GABRA3: variants seen among roughly 807,000 people sequenced by gnomAD.
The protein encoded by GABRA3 is gamma-aminobutyric acid receptor subunit alpha-3.
In GABRA3, 10 loss-of-function variants were observed where a neutral mutation model predicts 30.1. The observed-to-expected ratio is 0.33, with a 90% CI of 0.20 to 0.56. The LOEUF (loss-of-function observed/expected upper bound fraction) is 0.56, where lower values mean the gene tolerates loss of function less well. GABRA3 is among the 20% of genes least tolerant of loss of function. The pLI, the probability that GABRA3 is intolerant of heterozygous loss-of-function variation, is 0.89. For missense variants in GABRA3, 233 were observed against 392.0 expected, an observed-to-expected ratio of 0.59 and a Z score of 3.42; for synonymous variants, 151 against 146.8, an observed-to-expected ratio of 1.03 and a Z score of -0.21.
chrX:152,248,353 G>T (rs1938494320), intron 5 of GABRA3, among the ~76,000 whole-genome samples: 1 of 111,404 alleles, frequency 9.0e-6, no homozygotes, highest in African/African-American at 3.3e-5. Flanking sequence ...TGCCACTCAA[G>T]GCCTGGTCTA....
chrX:152,213,389 T>G (rs1254567850), intron 6 of GABRA3, among the ~76,000 whole-genome samples: 1 of 110,622 alleles, frequency 9.0e-6, no homozygotes, highest in Non-Finnish European at 1.9e-5. Context: ...AGTAAATAAA[T>G]AATATAGTAA....
chrX:152,198,599 C>A (rs764959894), intron 7 of GABRA3, among the ~76,000 whole-genome samples: 6 of 111,949 alleles, frequency 5.4e-5, no homozygotes, highest in African/African-American at 1.6e-4. Context: ...CTCTTGTAAT[C>A]ACTCTCTTCA....
intron 5 of GABRA3, among the ~76,000 whole-genome samples, chrX:152,239,841 A>G (rs5970238): frequency 0.029 from 2,734 of 95,181 alleles, 153 homozygotes; most frequent in East Asian, 0.11. Flanking sequence ...GTTTTCCATT[A>G]GCTTGGTAGA....
intron 2 of GABRA3, 83 bp downstream of exon 2, chrX:152,364,348 T>A: frequency 1.0e-6 from 1 of 983,541 alleles, no homozygotes; most frequent in Non-Finnish European, 1.4e-6. Context: ...CTTGGGTTCA[T>A]CTGGGGGAAA....
chrX:152,345,723 GA>G lies in GABRA3; in HGVS notation c.141-22del, dbSNP rs3830670. ...ACAGCCTGAGGCAATGCAAGGAAAA[GA>G]AAAAAAATAATAGTTCTTAATAGGA... On this transcript the variant is annotated intron_variant, in intron 2 of 9. Coordinates refer to ENST00000370314, the MANE Select transcript of GABRA3 (RefSeq NM_000808.4). 9.6e-6 allele frequency: 11 copies of G among 1,146,545 alleles called. No individual in the cohort carries two copies. The Admixed American group carries it at 1.5e-4, about 15-fold the overall frequency. The allele number at this position is 1,146,545 out of a possible 1,213,427, so 94.5% of individuals were successfully genotyped here. A position where few individuals can be genotyped will look rare whatever the true frequency, so the allele number is the denominator to read the frequency against.
chrX:152,313,850 T>C (rs954044033), intron 3 of GABRA3, among the ~76,000 whole-genome samples: 2 of 111,412 alleles, frequency 1.8e-5, no homozygotes, highest in African/African-American at 6.5e-5. Context: ...AGAGGTGTCT[T>C]TCCTTTCGAT....
intron 2 of GABRA3, among the ~76,000 whole-genome samples, chrX:152,348,062 G>C (rs1940417846): frequency 8.9e-6 from 1 of 111,744 alleles, no homozygotes; most frequent in South Asian, 3.7e-4. Flanking sequence ...TCAATATATT[G>C]TTCTATGGTT....
intron 1 of GABRA3, among the ~76,000 whole-genome samples, chrX:152,434,266 C>T (rs1460320455): frequency 7.2e-5 from 8 of 110,898 alleles, no homozygotes; most frequent in Admixed American, 5.8e-4. Flanking sequence ...CATTAAGAAG[C>T]GAGACTAGCC....
intron 8 of GABRA3, among the ~76,000 whole-genome samples, chrX:152,191,861 T>G (rs1310512931): frequency 9.0e-6 from 1 of 111,645 alleles, no homozygotes. Flanking sequence ...TTACGCCATG[T>G]GAGGAATCTG....
At chrX:152,222,498 A>G (rs1009537681) in intron 6 of GABRA3, among the ~76,000 whole-genome samples, 2 of 108,629 alleles carry the variant, frequency 1.8e-5, no homozygotes, top group African/African-American at 6.7e-5. Context: ...AGCATTCTAA[A>G]GTCCTTGTCT....
chrX:152,238,824 G>C (rs1379232314), intron 5 of GABRA3, among the ~76,000 whole-genome samples: 12 of 108,814 alleles, frequency 1.1e-4, no homozygotes. Flanking sequence ...GTATTTCTGT[G>C]GGATCAGTGG....
chrX:152,307,248 A>G (rs927822550), intron 3 of GABRA3, among the ~76,000 whole-genome samples: 1 of 112,111 alleles, frequency 8.9e-6, no homozygotes, highest in African/African-American at 3.2e-5. Flanking sequence ...AAGTAAATTA[A>G]ATAAGGGATG....
intron 1 of GABRA3, among the ~76,000 whole-genome samples, chrX:152,370,945 A>C (rs1367079055): frequency 9.1e-6 from 1 of 110,197 alleles, no homozygotes; most frequent in East Asian, 2.9e-4. Flanking sequence ...TTCCTTTCTT[A>C]CCCTGCTTGG....
chrX:152,311,760 G>A (rs5970268), intron 3 of GABRA3, among the ~76,000 whole-genome samples: 23,351 of 109,685 alleles, frequency 0.21, 2,266 homozygotes, highest in African/African-American at 0.39. Context: ...GAGAAAGTCA[G>A]ACTATCTCTC....
intron 9 of GABRA3, among the ~76,000 whole-genome samples, chrX:152,175,944 G>A (rs1397397489): frequency 9.1e-6 from 1 of 109,670 alleles, no homozygotes; most frequent in Non-Finnish European, 1.9e-5. Context: ...CACGCCTGTA[G>A]TCCCAGCTGC....
At chrX:152,182,693 G>A (rs1291218655) in intron 9 of GABRA3, among the ~76,000 whole-genome samples, 11 of 37,547 alleles carry the variant, frequency 2.9e-4, no homozygotes, top group Non-Finnish European at 4.4e-4. Flanking sequence ...CACTATATAT[G>A]TATATATAGT....
intron 1 of GABRA3, among the ~76,000 whole-genome samples, chrX:152,404,732 T>TTTATTA (rs201230420): frequency 1.5e-5 from 1 of 65,902 alleles, no homozygotes; most frequent in African/African-American, 4.2e-5. Flanking sequence ...CAGGAAGTCA[T>TTTATTA]TTATTATTAT....
intron 4 of GABRA3, among the ~76,000 whole-genome samples, chrX:152,274,074 G>A (rs1406148853): frequency 9.0e-6 from 1 of 111,120 alleles, no homozygotes; most frequent in African/African-American, 3.3e-5. Flanking sequence ...ACAGACAAAA[G>A]GGCATATTAA....
chrX:152,199,338 C>A (rs978525475), intron 7 of GABRA3, among the ~76,000 whole-genome samples: 1 of 104,302 alleles, frequency 9.6e-6, no homozygotes. Context: ...TGCACTCCAG[C>A]CTGGGCAACA....
Sources: gnomAD v4.1 joint callset for allele counts (sites outside exome capture counted in the v4.1 genomes callset) on GRCh38, gnomAD v4.1.1 for gene constraint, MANE v1.5 for transcripts, NCBI Gene and HGNC (gene_info 2026-07-23, HGNC 2026-07-21) for gene names.